Variants in MECOM observed in about 807,000 individuals in gnomAD.
The protein encoded by MECOM is MDS1 and EVI1 complex locus.
A neutral mutation model predicts 116.3 loss-of-function variants in MECOM; 13 were observed. The observed-to-expected ratio is 0.11, with a 90% CI of 0.07 to 0.18. MECOM has a LOEUF of 0.18. MECOM is among the 10% of genes least tolerant of loss of function. The pLI, the probability that MECOM is intolerant of heterozygous loss-of-function variation, is 1.00. For synonymous variants in MECOM, 528 were observed against 535.2 expected (o/e 0.99, Z 0.19); for missense variants, 1,299 against 1,509.0 (o/e 0.86, Z 2.31).
At chr3:169,334,061 A>T (rs934021028) in intron 2 of MECOM, among the ~76,000 whole-genome samples, 7 of 152,238 alleles carry the variant, frequency 4.6e-5, no homozygotes, top group South Asian at 4.2e-4. Context: ...AATAAATAAA[A>T]AACTTTCTAG....
chr3:169,147,825 G>GT, intron 2 of MECOM: 1 of 714,058 alleles, frequency 1.4e-6, no homozygotes, highest in South Asian at 6.4e-5. Flanking sequence ...GCTTTCAGGG[G>GT]TGTGAGGGTG....
At chr3:169,458,874 C>G (rs1047860375) in intron 1 of MECOM, among the ~76,000 whole-genome samples, 1 of 152,176 alleles carries the variant, frequency 6.6e-6, no homozygotes, top group Admixed American at 6.5e-5. Context: ...AAACAGAGAA[C>G]CTATTCCCTT....
chr3:169,479,590 G>A (rs1253809019), intron 1 of MECOM, among the ~76,000 whole-genome samples: 1 of 144,804 alleles, frequency 6.9e-6, no homozygotes, highest in African/African-American at 2.6e-5. Context: ...ATCAGCCAAT[G>A]TGTCTGAGCA....
At chr3:169,180,984 T>C (rs910576242) in intron 2 of MECOM, among the ~76,000 whole-genome samples, 2 of 151,926 alleles carry the variant, frequency 1.3e-5, no homozygotes, top group Non-Finnish European at 2.9e-5. Flanking sequence ...AGAGTTATAA[T>C]AACTGCTGTA....
intron 12 of MECOM, among the ~76,000 whole-genome samples, chr3:169,098,929 G>A (rs560420416): frequency 1.3e-5 from 2 of 152,014 alleles, no homozygotes; most frequent in African/African-American, 2.4e-5. Context: ...TTTCAGGTAC[G>A]TTTGTCACAA....
intron 1 of MECOM, among the ~76,000 whole-genome samples, chr3:169,654,374 A>C (rs1378470742): frequency 2.6e-5 from 4 of 152,222 alleles, no homozygotes; most frequent in African/African-American, 9.6e-5. Flanking sequence ...CTCTGCTCAA[A>C]TAAGACGTTC....
intron 2 of MECOM, among the ~76,000 whole-genome samples, chr3:169,343,098 G>T (rs1015642362): frequency 6.6e-6 from 1 of 152,146 alleles, no homozygotes; most frequent in Non-Finnish European, 1.5e-5. Flanking sequence ...ATCAGAAGAG[G>T]AGAGAAGATG....
At chr3:169,148,046 T>C (rs1165606760) in intron 2 of MECOM, among the ~76,000 whole-genome samples, 1 of 152,206 alleles carries the variant, frequency 6.6e-6, no homozygotes, top group Non-Finnish European at 1.5e-5. Context: ...TTGAAACTCA[T>C]ACTCTAATTT....
chr3:169,307,876 G>C lies in MECOM; in HGVS notation c.375+73311C>G, dbSNP rs539394543. 5.5e-4 allele frequency among the ~76,000 whole-genome samples: 84 copies of C among 152,252 alleles called. 1 individual carries two copies. Among genetic ancestry groups the C allele is most frequent in the African/African-American group, 1.8e-3 (76 of 41,550 alleles). On this transcript the variant is annotated intron_variant, in intron 2 of 16. Transcript: ENST00000651503. ...CTGGCCACTGAGGCTACCTGGGCCA[G>C]ATCCTGCTACTTCTCCACTCTCATT... is the stretch of plus-strand genomic sequence containing the variant.
intron 1 of MECOM, among the ~76,000 whole-genome samples, chr3:169,517,577 G>A (rs1251714811): frequency 1.3e-5 from 2 of 152,082 alleles, no homozygotes; most frequent in Non-Finnish European, 2.9e-5. Context: ...CTTCAACTCA[G>A]CCTAAAACAT....
At chr3:169,626,822 CTTT>C (rs201067118) in intron 1 of MECOM, among the ~76,000 whole-genome samples, 5 of 147,660 alleles carry the variant, frequency 3.4e-5, no homozygotes, top group Admixed American at 3.4e-4. Flanking sequence ...TTTCTTTTCT[CTTT>C]TTTTTTTTCT....
chr3:169,514,849 C>T lies in MECOM; in HGVS notation c.38-133325G>A, dbSNP rs143368886. ...ACAATCCCTTTATAATATCTGAGAG[C>T]CAGTATAGTTTTAAATCAACTTACC... is the stretch of plus-strand genomic sequence containing the variant. On this transcript the variant is annotated intron_variant, in intron 1 of 16. Transcript: ENST00000651503. Among the ~76,000 whole-genome samples, 7 of 152,204 alleles carry T rather than the reference C, an allele frequency of 4.6e-5. No individual in the cohort carries two copies. In the East Asian group the frequency reaches 1.3e-3, roughly 29 times the overall value.
chr3:169,539,178 C>G (rs1202198666), intron 1 of MECOM, among the ~76,000 whole-genome samples: 1 of 152,154 alleles, frequency 6.6e-6, no homozygotes, highest in Non-Finnish European at 1.5e-5. Flanking sequence ...TTCACTTGAT[C>G]TAAGGCTTCC....
At chr3:169,623,296 T>C (rs16854221) in intron 1 of MECOM, among the ~76,000 whole-genome samples, 6,115 of 152,324 alleles carry the variant, frequency 0.04, 368 homozygotes, top group East Asian at 0.26. Context: ...CAAAACCTGC[T>C]CTTATTCATT....
chr3:169,226,858 A>C (rs1752786063), intron 2 of MECOM, among the ~76,000 whole-genome samples: 1 of 152,208 alleles, frequency 6.6e-6, no homozygotes, highest in African/African-American at 2.4e-5. Flanking sequence ...TATGGAAGAA[A>C]ATTTTGCTTT....
rs1353486230 is a variant in MECOM at position 169,422,804 on chromosome 3, CA to C, written c.38-41281del. Among the ~76,000 whole-genome samples the C allele has an allele frequency of 2.6e-5, 4 of 152,168 alleles. No homozygotes were observed. The East Asian group carries it at 7.7e-4, about 29-fold the overall frequency. ...CCCTTTAAATCCAACTTCTGTGGCT[CA>C]CCAGCATGCAACTTTGGACAAGTTA... On this transcript the variant is annotated intron_variant, in intron 1 of 16. Transcript: ENST00000651503.
At chr3:169,334,708 G>GA (rs1305582448) in intron 2 of MECOM, among the ~76,000 whole-genome samples, 1 of 152,034 alleles carries the variant, frequency 6.6e-6, no homozygotes, top group African/African-American at 2.4e-5. Context: ...AATTAATCAG[G>GA]AAAAAGAAGA....
intron 1 of MECOM, among the ~76,000 whole-genome samples, chr3:169,542,551 G>C (rs1760217947): frequency 6.6e-6 from 1 of 152,202 alleles, no homozygotes; most frequent in Non-Finnish European, 1.5e-5. Context: ...TTGATGGAAA[G>C]TGCTAATTGT....
chr3:169,184,161 G>T (rs544937092), intron 2 of MECOM, among the ~76,000 whole-genome samples: 1 of 152,126 alleles, frequency 6.6e-6, no homozygotes, highest in Non-Finnish European at 1.5e-5. Context: ...ACCACGCCTG[G>T]CCAGGACTGT....
Sources: gnomAD v4.1 joint callset for allele counts (sites outside exome capture counted in the v4.1 genomes callset) on GRCh38, gnomAD v4.1.1 for gene constraint, MANE v1.5 for transcripts, NCBI Gene and HGNC (gene_info 2026-07-23, HGNC 2026-07-21) for gene names.